The following DDX50 variants were observed in gnomAD, a reference collection of about 807,000 sequenced individuals.
DDX50 encodes DExD-box helicase 50, also known as ATP-dependent RNA helicase DDX50.
A neutral mutation model predicts 94.8 loss-of-function variants in DDX50; 56 were observed. The observed-to-expected ratio is 0.59, with a 90% confidence interval of 0.48 to 0.74. The LOEUF is 0.74. Among genes scored for constraint, DDX50 ranks in the 30% least tolerant of loss-of-function variants. The pLI is 0.00. For missense variants in DDX50, 713 were observed against 881.2 expected (o/e 0.81, Z 2.42); for synonymous variants, 264 against 295.4 (o/e 0.89, Z 1.09).
intron 12 of DDX50, among the ~76,000 whole-genome samples, chr10:68,937,993 A>G (rs1030674897): frequency 6.6e-6 from 1 of 152,202 alleles, no homozygotes; most frequent in Non-Finnish European, 1.5e-5. Flanking sequence ...CTACATAACC[A>G]CAATATAATA....
chr10:68,903,661 C>T (rs970123886), intron 1 of DDX50, among the ~76,000 whole-genome samples: 15 of 151,890 alleles, frequency 9.9e-5, no homozygotes, highest in African/African-American at 3.4e-4. Flanking sequence ...ATTAGCTGGG[C>T]ATGGTGGCAC....
At chr10:68,931,432 A>AC (rs1261998646) in intron 8 of DDX50, among the ~76,000 whole-genome samples, 1,001 of 61,444 alleles carry the variant, frequency 0.016, 59 homozygotes, top group African/African-American at 0.063. Flanking sequence ...TATATACACA[A>AC]ACACACACAC....
At chr10:68,914,363 T>G (rs1841721667) in intron 7 of DDX50, 159 bp downstream of exon 7, 1 of 761,516 alleles carries the variant, frequency 1.3e-6, no homozygotes, top group Non-Finnish European at 2.0e-6. Context: ...TGAGACTGAG[T>G]AGCAGAATAG....
intron 13 of DDX50, among the ~76,000 whole-genome samples, chr10:68,941,535 C>G (rs1037927196): frequency 1.3e-5 from 2 of 152,182 alleles, no homozygotes; most frequent in African/African-American, 2.4e-5. Flanking sequence ...TTTGCCCAGG[C>G]TGGTCTTGAA....
At chr10:68,915,811 A>G (rs543293174) in intron 7 of DDX50, among the ~76,000 whole-genome samples, 33 of 152,320 alleles carry the variant, frequency 2.2e-4, no homozygotes, top group African/African-American at 7.7e-4. Flanking sequence ...ATAGATGCAT[A>G]TATATGTGTA....
intron 4 of DDX50, chr10:68,911,519 G>A (rs1408364194): frequency 1.2e-5 from 3 of 251,396 alleles, no homozygotes; most frequent in African/African-American, 4.4e-5. Flanking sequence ...TTTATATTTA[G>A]TTGACCCTTT....
chr10:68,917,639 C>T (rs1020398152), intron 7 of DDX50, among the ~76,000 whole-genome samples: 5 of 152,090 alleles, frequency 3.3e-5, no homozygotes, highest in South Asian at 2.1e-4. Context: ...CTTGCTCTGT[C>T]GCCCCGGCTG....
At chr10:68,943,518 T>TCC (rs1188735122) in intron 14 of DDX50, among the ~76,000 whole-genome samples, 2 of 152,150 alleles carry the variant, frequency 1.3e-5, no homozygotes, top group East Asian at 3.8e-4. Flanking sequence ...CACCTCAGAC[T>TCC]CCCAAGTAGC....
chr10:68,939,766 C>G (rs1032349702), intron 12 of DDX50, among the ~76,000 whole-genome samples: 2 of 152,148 alleles, frequency 1.3e-5, no homozygotes, highest in Middle Eastern at 3.2e-3. Flanking sequence ...TCTTTGTTCC[C>G]TAAGCCCTGC....
intron 11 of DDX50, among the ~76,000 whole-genome samples, chr10:68,936,304 G>GGT (rs1842404959): frequency 6.7e-6 from 1 of 149,218 alleles, no homozygotes; most frequent in African/African-American, 2.5e-5. Flanking sequence ...TGGCTAACAC[G>GGT]GTGAAACCCT....
intron 7 of DDX50, among the ~76,000 whole-genome samples, chr10:68,915,714 CAAAA>C (rs1206127189): frequency 1.1e-5 from 1 of 92,376 alleles, no homozygotes. Context: ...GACAACATCT[CAAAA>C]AAAAAAAAAA....
chr10:68,946,395 A>G lies in DDX50; in HGVS notation c.1979A>G (p.Lys660Arg), dbSNP rs769742802. The G allele has an allele frequency of 3.1e-6, 5 of 1,614,162 alleles. No individual in the cohort carries two copies. Among genetic ancestry groups the G allele is most frequent in the South Asian group, 1.1e-5 (1 of 91,080 alleles). ...GACTGGATACTCTCAGTGCCAGCCA[A>G]ATTACCTGAAATTGAAGAATATTAT... ...DSDWILSVPA[K>R]LPEIEEYYDG... Residue 660 changes from lysine to arginine, a missense_variant, in exon 15 of 15, where the codon AAA becomes AGA. Coordinates refer to ENST00000373585, the MANE Select transcript of DDX50 (RefSeq NM_024045.2).
In DDX50 at chr10:68,928,141, T is replaced by A. The variant is rs1479730502; in HGVS notation, c.1240-6058T>A. Among the ~76,000 whole-genome samples the A allele has an allele frequency of 2.0e-5, 3 of 152,096 alleles. No homozygotes were observed. In the East Asian group the frequency reaches 5.8e-4, roughly 29 times the overall value. On this transcript the variant is annotated intron_variant, in intron 8 of 14. Transcript: ENST00000373585. The stretch of plus-strand genomic sequence containing the variant: ...AAGCAGCATGGAAACATAGCAAGAA[T>A]CTGTCTCTACAAAAAATAAAAAAAT...
At chr10:68,903,463 C>A (rs1360775763) in intron 1 of DDX50, among the ~76,000 whole-genome samples, 1 of 151,308 alleles carries the variant, frequency 6.6e-6, no homozygotes, top group Non-Finnish European at 1.5e-5. Flanking sequence ...GTCAGGAGAT[C>A]GAGACCATCC....
At chr10:68,917,150 A>G (rs1841818955) in intron 7 of DDX50, among the ~76,000 whole-genome samples, 1 of 151,252 alleles carries the variant, frequency 6.6e-6, no homozygotes. Flanking sequence ...TTTTCTTTGC[A>G]ATTTTCTGTT....
chr10:68,943,867 A>G (rs1842605358), intron 14 of DDX50, among the ~76,000 whole-genome samples: 1 of 152,212 alleles, frequency 6.6e-6, no homozygotes, highest in Non-Finnish European at 1.5e-5. Flanking sequence ...GTGAGCCACC[A>G]TACCCAGTAA....
intron 1 of DDX50, among the ~76,000 whole-genome samples, chr10:68,903,102 G>C (rs767525400): frequency 6.6e-6 from 1 of 152,216 alleles, no homozygotes; most frequent in Non-Finnish European, 1.5e-5. Context: ...AAGAAATAGA[G>C]CATTAGAATA....
At chr10:68,910,727 G>A (rs1841600982) in intron 3 of DDX50, among the ~76,000 whole-genome samples, 1 of 152,118 alleles carries the variant, frequency 6.6e-6, no homozygotes, top group Non-Finnish European at 1.5e-5. Flanking sequence ...TAATGGATAT[G>A]CAATTAAAAA....
intron 2 of DDX50, among the ~76,000 whole-genome samples, chr10:68,908,637 C>CTTTTT (rs1157178909): frequency 6.3e-5 from 6 of 95,728 alleles, no homozygotes; most frequent in South Asian, 3.5e-4. Flanking sequence ...TTAAAATTTC[C>CTTTTT]TTTTTTTTTT....
Sources: gnomAD v4.1 joint callset for allele counts (sites outside exome capture counted in the v4.1 genomes callset) on GRCh38, gnomAD v4.1.1 for gene constraint, MANE v1.5 for transcripts, NCBI Gene and HGNC (gene_info 2026-07-23, HGNC 2026-07-21) for gene names.